The following FILIP1 variants were observed in gnomAD, a reference collection of about 807,000 sequenced individuals.
FILIP1 encodes filamin-A-interacting protein 1.
A neutral mutation model predicts 102.1 loss-of-function variants in FILIP1; 61 were observed. That is an observed-to-expected ratio of 0.60 (90% confidence interval 0.49 to 0.74). The LOEUF (loss-of-function observed/expected upper bound fraction) is 0.74. Ranked by LOEUF, FILIP1 falls within the 30% of genes least tolerant of loss-of-function variation. The pLI, the probability that FILIP1 is intolerant of heterozygous loss-of-function variation, is 0.00. For synonymous variants in FILIP1, 491 were observed against 526.9 expected, an observed-to-expected ratio of 0.93 and a Z score of 0.93; for missense variants, 1,314 against 1,441.2, an observed-to-expected ratio of 0.91 and a Z score of 1.43.
chr6:75,340,338 G>A (rs1482786562), intron 4 of FILIP1, among the ~76,000 whole-genome samples: 1 of 151,934 alleles, frequency 6.6e-6, no homozygotes, highest in Non-Finnish European at 1.5e-5. Flanking sequence ...TCCTGAAATG[G>A]TAGACACTAG....
intron 1 of FILIP1, among the ~76,000 whole-genome samples, chr6:75,473,504 A>G (rs114746617): frequency 0.01 from 1,530 of 152,196 alleles, 30 homozygotes; most frequent in African/African-American, 0.035. Flanking sequence ...CAGATCAGAA[A>G]TTACTCTCCA....
Position 75,451,261 on chromosome 6 carries a change from ATATATG to A in FILIP1, c.-6-36289_-6-36284del, listed in dbSNP as rs1297558859. Among the ~76,000 whole-genome samples, 41 of 148,456 alleles carry A rather than the reference ATATATG, an allele frequency of 2.8e-4. 1 individual carries two copies. The highest frequency in any genetic ancestry group is 1.5e-5 in the Non-Finnish European group (1 of 67,278). ...ATAAATATATATTTATATATTATAC[ATATATG>A]TATATGTAATTTGAATTAATGATTA... is the stretch of plus-strand genomic sequence containing the variant. On this transcript the variant is annotated intron_variant, in intron 1 of 5. Coordinates refer to ENST00000237172, the MANE Select transcript of FILIP1 (RefSeq NM_015687.5).
At chr6:75,332,522 C>T (rs1412440930) in intron 4 of FILIP1, among the ~76,000 whole-genome samples, 1 of 152,154 alleles carries the variant, frequency 6.6e-6, no homozygotes, top group Non-Finnish European at 1.5e-5. Context: ...AGAGGCCTTC[C>T]GTATCCCATT....
Position 75,319,027 on chromosome 6 carries a change from A to G in FILIP1, c.630-3825T>C, listed in dbSNP as rs1773543825. The G allele has an allele frequency of 7.1e-6, 5 of 699,466 alleles. No homozygotes were observed. The South Asian group carries it at 7.4e-5, about 10-fold the overall frequency. 43.3% of individuals were successfully genotyped at this position (699,466 alleles called of 1,614,324 possible). On this transcript the variant is annotated intron_variant, in intron 4 of 5. Coordinates refer to ENST00000237172, the MANE Select transcript of FILIP1 (RefSeq NM_015687.5). ...ATGAAAAAAAACTGTGCTAGAACCAACTTATTCATCATCGTCATCTTCTTC... is the reference window on the plus strand; with the variant it reads ...ATGAAAAAAAACTGTGCTAGAACCAGCTTATTCATCATCGTCATCTTCTTC...
At chr6:75,353,240 T>A (rs943071379) in intron 4 of FILIP1, among the ~76,000 whole-genome samples, 2 of 152,076 alleles carry the variant, frequency 1.3e-5, no homozygotes, top group Admixed American at 6.5e-5. Context: ...AAATACATGA[T>A]AAAAAAATAA....
At chr6:75,335,759 C>A (rs2149583868) in intron 4 of FILIP1, among the ~76,000 whole-genome samples, 1 of 152,136 alleles carries the variant, frequency 6.6e-6, no homozygotes, top group African/African-American at 2.4e-5. Flanking sequence ...ATTTTTAAGC[C>A]TTCAGATATC....
At position 75,391,659 on chromosome 6, in the gene FILIP1, G is replaced by A. The variant is rs1248974346; in HGVS notation, c.276+23038C>T. On this transcript the variant is annotated intron_variant, in intron 2 of 5. Coordinates refer to ENST00000237172, the MANE Select transcript of FILIP1 (RefSeq NM_015687.5). ...AATCCCATCCTCTTTTGACTAGCTA[G>A]GACATTGCTCCAGTCTTTTACCTGT... is the stretch of plus-strand genomic sequence containing the variant. Among the ~76,000 whole-genome samples the A allele has an allele frequency of 2.6e-5, 4 of 152,058 alleles. No individual in the cohort carries two copies. In the South Asian group the frequency reaches 6.2e-4, roughly 24 times the overall value.
At chr6:75,388,507 C>T (rs541623657) in intron 2 of FILIP1, among the ~76,000 whole-genome samples, 3 of 152,250 alleles carry the variant, frequency 2.0e-5, no homozygotes, top group Admixed American at 2.0e-4. Flanking sequence ...TCCTCCTATC[C>T]ATGAGCATGG....
At position 75,359,317 on chromosome 6, in the gene FILIP1, A is replaced by G. The variant is rs1280211135; in HGVS notation, c.450+3427T>C. On this transcript the variant is annotated intron_variant, in intron 3 of 5. Coordinates refer to ENST00000237172, the MANE Select transcript of FILIP1 (RefSeq NM_015687.5). Reference sequence around the variant, plus strand: ...CACCGCGCCCAGTGATATTGCCAATATCACTGGGGCCCTGAGTGAATATAC... The same window carrying G: ...CACCGCGCCCAGTGATATTGCCAATGTCACTGGGGCCCTGAGTGAATATAC... 2.0e-5 allele frequency among the ~76,000 whole-genome samples: 3 copies of G among 152,126 alleles called. No homozygotes were observed. In the East Asian group the frequency reaches 5.8e-4, roughly 29 times the overall value.
In FILIP1 at chr6:75,334,950, G is replaced by A. The variant is rs78891984; in HGVS notation, c.629+18589C>T. Among the ~76,000 whole-genome samples, 206 of 152,296 alleles carry A rather than the reference G, an allele frequency of 1.4e-3. 1 individual carries two copies. Among genetic ancestry groups the A allele is most frequent in the African/African-American group, 4.7e-3 (197 of 41,574 alleles). On this transcript the variant is annotated intron_variant, in intron 4 of 5. Coordinates refer to ENST00000237172, the MANE Select transcript of FILIP1 (RefSeq NM_015687.5). ...GCAGCTCTTAAGAAGCAAAGCAAGTGAATGGGAATTACGCTCCACACTAAG... is the reference window on the plus strand; with the variant it reads ...GCAGCTCTTAAGAAGCAAAGCAAGTAAATGGGAATTACGCTCCACACTAAG...
intron 1 of FILIP1, among the ~76,000 whole-genome samples, chr6:75,422,829 C>A (rs1278197786): frequency 1.3e-5 from 2 of 152,050 alleles, no homozygotes; most frequent in African/African-American, 4.8e-5. Flanking sequence ...TTTTAATGTA[C>A]ATTTCTTGCT....
intron 4 of FILIP1, among the ~76,000 whole-genome samples, chr6:75,321,011 G>A (rs1415891623): frequency 6.6e-6 from 1 of 152,110 alleles, no homozygotes; most frequent in Non-Finnish European, 1.5e-5. Context: ...TGTGTCACTA[G>A]TTTGTCTTAG....
At chr6:75,455,170 T>G (rs1778785659) in intron 1 of FILIP1, 2 of 152,182 alleles carry the variant, frequency 1.3e-5, no homozygotes, top group Admixed American at 1.3e-4. Context: ...TTTTAATGCT[T>G]GTACAGTGCC....
chr6:75,364,367 C>G (rs1447233063), intron 2 of FILIP1, among the ~76,000 whole-genome samples: 2 of 152,150 alleles, frequency 1.3e-5, no homozygotes, highest in African/African-American at 4.8e-5. Flanking sequence ...TCAGGAGACA[C>G]AGCCCTGAGT....
chr6:75,320,074 A>T (rs547571032), intron 4 of FILIP1: 48 of 242,192 alleles, frequency 2.0e-4, no homozygotes, highest in Non-Finnish European at 3.5e-4. Flanking sequence ...CAGTTACTGC[A>T]ATGGCTGTCC....
At chr6:75,362,951 G>A in intron 2 of FILIP1, 34 bp from the exon 3 acceptor site, 1 of 1,601,752 alleles carries the variant, frequency 6.2e-7, no homozygotes, top group East Asian at 2.2e-5. Context: ...TCAGACGACT[G>A]ACAATGTAAA....
At chr6:75,364,217 T>C (rs1775257996) in intron 2 of FILIP1, among the ~76,000 whole-genome samples, 1 of 152,180 alleles carries the variant, frequency 6.6e-6, no homozygotes, top group Admixed American at 6.6e-5. Flanking sequence ...TGGTTTAGAA[T>C]GTTGGTGAGA....
chr6:75,315,672 A>G (rs1469454832), intron 4 of FILIP1, among the ~76,000 whole-genome samples: 1 of 152,254 alleles, frequency 6.6e-6, no homozygotes, highest in Non-Finnish European at 1.5e-5. Flanking sequence ...TGCTACTATC[A>G]TCACCATGAA....
chr6:75,426,221 A>G (rs1777620564), intron 1 of FILIP1, among the ~76,000 whole-genome samples: 2 of 152,286 alleles, frequency 1.3e-5, no homozygotes, highest in Non-Finnish European at 2.9e-5. Flanking sequence ...TCTGGTTTAC[A>G]GTAATTAGAA....
Sources: gnomAD v4.1 joint callset for allele counts (sites outside exome capture counted in the v4.1 genomes callset) on GRCh38, gnomAD v4.1.1 for gene constraint, MANE v1.5 for transcripts, NCBI Gene and HGNC (gene_info 2026-07-23, HGNC 2026-07-21) for gene names.